OPA1: variants seen among roughly 807,000 people sequenced by gnomAD.
The protein encoded by OPA1 is OPA1 mitochondrial dynamin like GTPase.
Under a neutral mutation model 152.9 loss-of-function variants are expected in OPA1, and 59 were observed. The observed-to-expected ratio is 0.39, with a 90% CI of 0.31 to 0.48. The LOEUF is 0.48. Ranked by LOEUF, OPA1 falls within the 20% of genes least tolerant of loss-of-function variation. OPA1 has a pLI of 0.96. For missense variants in OPA1, 1,008 were observed against 1,216.8 expected, an observed-to-expected ratio of 0.83 and a Z score of 2.55; for synonymous variants, 400 against 389.9, an observed-to-expected ratio of 1.03 and a Z score of -0.31.
chr3:193,691,092 G>T (rs577750102), intron 29 of OPA1, among the ~76,000 whole-genome samples: 1 of 152,166 alleles, frequency 6.6e-6, no homozygotes, highest in African/African-American at 2.4e-5. Context: ...GTGGTGGCAC[G>T]TGCCTGTGGT....
At chr3:193,613,443 A>G (rs543982702) in intron 1 of OPA1, among the ~76,000 whole-genome samples, 1 of 152,356 alleles carries the variant, frequency 6.6e-6, no homozygotes, top group African/African-American at 2.4e-5. Flanking sequence ...CTGTAGTGAA[A>G]ACAGCTAGCG....
intron 6 of OPA1, among the ~76,000 whole-genome samples, chr3:193,620,680 C>G (rs889689149): frequency 1.7e-4 from 26 of 152,194 alleles, no homozygotes; most frequent in African/African-American, 6.3e-4. Flanking sequence ...AAGCTACTTT[C>G]ATTACTGGTT....
chr3:193,676,083 A>G (rs979240487), intron 29 of OPA1, among the ~76,000 whole-genome samples: 5 of 152,206 alleles, frequency 3.3e-5, no homozygotes, highest in East Asian at 1.9e-4. Context: ...TAGATCACCA[A>G]TGATTTCCTA....
At chr3:193,631,573 A>T (rs573672438) in intron 7 of OPA1, 39 bp from the exon 8 acceptor site, 412 of 1,481,296 alleles carry the variant, frequency 2.8e-4, no homozygotes, top group Non-Finnish European at 3.7e-4. Context: ...TTCTGTATAA[A>T]CCTAATTCTA....
intron 29 of OPA1, among the ~76,000 whole-genome samples, chr3:193,676,854 G>C (rs574405687): frequency 2.0e-5 from 3 of 152,036 alleles, no homozygotes; most frequent in African/African-American, 7.2e-5. Flanking sequence ...GGTGGCGGGC[G>C]CCTGTAGTCC....
rs551646239 is a variant in OPA1 at position 193,626,212 on chromosome 3, G to A, written c.789+10G>A. The A allele has an allele frequency of 1.4e-5, 22 of 1,591,210 alleles. No homozygotes were observed. Among genetic ancestry groups the A allele is most frequent in the Non-Finnish European group, 1.9e-5 (22 of 1,159,248 alleles). ...CCAACAGAAGCGCAAGGTGATGGAT[G>A]GTTTAAGGGGGCTACCGATACATTC... On this transcript the variant is annotated intron_variant, in intron 7 of 30. Transcript: ENST00000361510.
In OPA1 at chr3:193,633,309, A is replaced by G. The variant is rs531770262; in HGVS notation, c.843+1644A>G. Among the ~76,000 whole-genome samples, 3 of 152,338 alleles carry G rather than the reference A, an allele frequency of 2.0e-5. No homozygotes were observed. The East Asian group carries it at 5.8e-4, about 29-fold the overall frequency. On this transcript the variant is annotated intron_variant, in intron 8 of 30. Coordinates refer to ENST00000361510, the MANE Select transcript of OPA1 (RefSeq NM_130837.3). ...CCTCAAGATAATTCTGATGCATTCT[A>G]AAGTTTGAGAATTATTGTTCTAGAG... is the stretch of plus-strand genomic sequence containing the variant.
At chr3:193,650,911 G>A (rs7620272) in intron 21 of OPA1, among the ~76,000 whole-genome samples, 63,979 of 151,518 alleles carry the variant, frequency 0.42, 13,723 homozygotes, top group Non-Finnish European at 0.43. Context: ...TGCTACTATG[G>A]TACATTTTTA....
At chr3:193,690,660 A>G (rs2109452238) in intron 29 of OPA1, among the ~76,000 whole-genome samples, 1 of 152,308 alleles carries the variant, frequency 6.6e-6, no homozygotes, top group Non-Finnish European at 1.5e-5. Context: ...ACTCATCACT[A>G]ATAGCTGCCT....
chr3:193,645,880 G>T, intron 18 of OPA1, 80 bp downstream of exon 18: 1 of 1,117,000 alleles, frequency 9.0e-7, no homozygotes, highest in Non-Finnish European at 1.3e-6. Context: ...TAAAACATCA[G>T]GTTTTATAAC....
At chr3:193,663,029 T>TGCAAGA in intron 26 of OPA1, 67 bp downstream of exon 26, 1 of 1,500,990 alleles carries the variant, frequency 6.7e-7, no homozygotes, top group Non-Finnish European at 9.3e-7. Context: ...TAAATGTTAC[T>TGCAAGA]ACATGTGTTA....
intron 29 of OPA1, among the ~76,000 whole-genome samples, chr3:193,672,822 CTG>C (rs1718227984): frequency 6.8e-6 from 1 of 146,666 alleles, no homozygotes; most frequent in Non-Finnish European, 1.5e-5. Flanking sequence ...TGAGCCAAGA[CTG>C]TGCCATTGCA....
intron 29 of OPA1, among the ~76,000 whole-genome samples, chr3:193,674,074 T>C (rs1718493575): frequency 6.6e-6 from 1 of 152,242 alleles, no homozygotes; most frequent in African/African-American, 2.4e-5. Context: ...CTCTGTTGAC[T>C]GTTCTTTATT....
At chr3:193,674,698 A>T (rs1718599522) in intron 29 of OPA1, among the ~76,000 whole-genome samples, 1 of 152,228 alleles carries the variant, frequency 6.6e-6, no homozygotes, top group Non-Finnish European at 1.5e-5. Flanking sequence ...ACATCAAGGT[A>T]CCCTGGAACT....
At chr3:193,602,479 C>T (rs1329545511) in intron 1 of OPA1, among the ~76,000 whole-genome samples, 2 of 152,100 alleles carry the variant, frequency 1.3e-5, no homozygotes, top group Non-Finnish European at 2.9e-5. Context: ...TAAAGCCTTG[C>T]AGTATTTAGT....
intron 11 of OPA1, among the ~76,000 whole-genome samples, chr3:193,641,059 G>GA (rs1733713983): frequency 6.6e-6 from 1 of 151,914 alleles, no homozygotes; most frequent in South Asian, 2.1e-4. Context: ...CTAACCTAGA[G>GA]AAAAAAACAA....
intron 22 of OPA1, among the ~76,000 whole-genome samples, chr3:193,655,772 A>G (rs928421639): frequency 6.6e-6 from 1 of 152,214 alleles, no homozygotes; most frequent in Non-Finnish European, 1.5e-5. Flanking sequence ...GAATTGATCC[A>G]TCATGTACAT....
At chr3:193,682,525 C>A (rs1478479910) in intron 29 of OPA1, among the ~76,000 whole-genome samples, 1 of 152,170 alleles carries the variant, frequency 6.6e-6, no homozygotes, top group African/African-American at 2.4e-5. Context: ...CAATGCCCAG[C>A]TTCGAGGCTT....
chr3:193,593,423 C>T lies in OPA1; in HGVS notation c.32+14C>T, dbSNP rs201927764. ...CGCTGTGGCCTGGTAAGTGCAGGCT[C>T]TAATCTGGCCCCGTTAATTCTGGGG... On this transcript the variant is annotated intron_variant, in intron 1 of 30. Transcript: ENST00000361510. 7.3e-4 allele frequency: 1,117 copies of T among 1,533,472 alleles called. No individual in the cohort carries two copies. Among genetic ancestry groups the T allele is most frequent in the Non-Finnish European group, 9.0e-4 (1,020 of 1,136,250 alleles). The allele number at this position is 1,533,472 out of a possible 1,614,324, so 95.0% of individuals were successfully genotyped here.
Sources: gnomAD v4.1 joint callset for allele counts (sites outside exome capture counted in the v4.1 genomes callset) on GRCh38, gnomAD v4.1.1 for gene constraint, MANE v1.5 for transcripts, NCBI Gene and HGNC (gene_info 2026-07-23, HGNC 2026-07-21) for gene names.